TET1: variants seen among roughly 807,000 people sequenced by gnomAD.
TET1 encodes the protein tet methylcytosine dioxygenase 1, also known as methylcytosine dioxygenase TET1.
TET1 carries 13 observed loss-of-function variants against 148.7 expected under a neutral mutation model. The ratio of observed to expected loss-of-function variants is 0.09; its 90% CI spans 0.06 to 0.14. The LOEUF (loss-of-function observed/expected upper bound fraction) is 0.14. Ranked by LOEUF, TET1 falls within the 10% of genes least tolerant of loss-of-function variation. The probability of loss-of-function intolerance (pLI) is 1.00; values close to 1 mark genes in which losing one functional copy is unlikely to be tolerated. For missense variants in TET1, 2,182 were observed against 2,553.8 expected, an observed-to-expected ratio of 0.85 and a Z score of 3.14; for synonymous variants, 907 against 937.2, an observed-to-expected ratio of 0.97 and a Z score of 0.59.
intron 8 of TET1, among the ~76,000 whole-genome samples, chr10:68,678,292 A>T (rs1244217523): frequency 2.0e-5 from 3 of 152,204 alleles, no homozygotes; most frequent in Non-Finnish European, 4.4e-5. Flanking sequence ...AGGTTTGTAG[A>T]GGGCAGATCA....
At position 68,694,482 on chromosome 10, in the gene TET1, A is replaced by G; in HGVS notation, c.*2668A>G. Reference sequence around the variant, plus strand: ...TTTGTTTGAAATGACATTTTCTCTCATAAAACTGGTCATCTAACATTATTT... The same window carrying G: ...TTTGTTTGAAATGACATTTTCTCTCGTAAAACTGGTCATCTAACATTATTT... On this transcript the variant is annotated 3_prime_UTR_variant, in exon 12 of 12. Transcript: ENST00000373644. The G allele has an allele frequency of 4.3e-6, 1 of 231,454 alleles. No individual in the cohort carries two copies. The highest frequency in any genetic ancestry group is 8.5e-6 in the Non-Finnish European group (1 of 117,018). 14.3% of individuals were successfully genotyped at this position (231,454 alleles called of 1,614,324 possible).
chr10:68,618,615 G>A (rs533423709), intron 3 of TET1, among the ~76,000 whole-genome samples: 130 of 152,274 alleles, frequency 8.5e-4, no homozygotes, highest in African/African-American at 3.1e-3. Flanking sequence ...TACCAGATAG[G>A]AAACAAATAG....
intron 3 of TET1, among the ~76,000 whole-genome samples, chr10:68,604,624 A>G (rs1364956152): frequency 6.6e-6 from 1 of 152,092 alleles, no homozygotes; most frequent in Non-Finnish European, 1.5e-5. Flanking sequence ...CCCAATGGGG[A>G]GCCAGAGTGA....
At chr10:68,593,531 G>A (rs1048766774) in intron 2 of TET1, among the ~76,000 whole-genome samples, 1 of 151,706 alleles carries the variant, frequency 6.6e-6, no homozygotes, top group Non-Finnish European at 1.5e-5. Flanking sequence ...TCTGCCTCCG[G>A]GGTTCAAGGG....
In TET1 at chr10:68,573,162, C is replaced by T. The variant is rs760815606; in HGVS notation, c.824C>T (p.Ser275Leu). 1 of 1,614,020 alleles carries T rather than the reference C, an allele frequency of 6.2e-7. No homozygotes were observed. ...NPSIQLEELG[S>L]RVESLKLSDS... ...AGCATTCAGTTAGAAGAGTTGGGTT[C>T]ACGAGTAGAATCTCTTAAGTTATCT... Residue 275 changes from serine (S) to leucine (L), a missense_variant, in exon 2 of 12, where the codon TCA (serine) becomes TTA (leucine). Around this residue, in one of 11 missense-constraint regions of TET1, gnomAD observed 665 missense variants for 672.4 expected, o/e 0.99. Coordinates refer to ENST00000373644, the MANE Select transcript of TET1 (RefSeq NM_030625.3).
At chr10:68,671,973 A>C (rs1000799730) in intron 7 of TET1, among the ~76,000 whole-genome samples, 9 of 151,922 alleles carry the variant, frequency 5.9e-5, no homozygotes, top group South Asian at 4.2e-4. Flanking sequence ...TGAACTCCTG[A>C]CCTCATGATC....
chr10:68,572,681 C>T lies in TET1; in HGVS notation c.343C>T (p.Leu115Phe), dbSNP rs1426634332. The T allele has an allele frequency of 2.5e-6, 4 of 1,614,132 alleles. No homozygotes were observed. The South Asian group carries it at 4.4e-5, about 18-fold the overall frequency. The change falls in exon 2 of 12, where the codon CTC becomes TTC. Residue 115 changes from leucine to phenylalanine, a missense_variant. Physicochemically the swap from Leu to Phe is conservative, Grantham distance 22 (BLOSUM62 0). Transcript: ENST00000373644. ...ACGAAGCACCTCTCTTAGCAGGCGACTCTCCCAACCCCCACTGGTCGTAGC... is the reference window on the plus strand; with the variant it reads ...ACGAAGCACCTCTCTTAGCAGGCGATTCTCCCAACCCCCACTGGTCGTAGC... ...ALRSTSLSRR[L>F]SQPPLVVAKS...
At chr10:68,639,936 T>C (rs1420439820) in intron 3 of TET1, among the ~76,000 whole-genome samples, 1 of 151,882 alleles carries the variant, frequency 6.6e-6, no homozygotes, top group African/African-American at 2.4e-5. Context: ...TAGTAACTTT[T>C]TATTTTTTTA....
rs60460824 is a variant in TET1 at position 68,640,544 on chromosome 10, C to CTTTTTTTTTTTTTTTTTTTTTT, written c.1969-4150_1969-4129dup. Among the ~76,000 whole-genome samples, 59 of 42,884 alleles carry CTTTTTTTTTTTTTTTTTTTTTT rather than the reference C, an allele frequency of 1.4e-3. 7 individuals carry two copies. The highest frequency in any genetic ancestry group is 1.8e-3 in the Non-Finnish European group (48 of 26,032). 28.1% of individuals were successfully genotyped at this position (42,884 alleles called of 152,430 possible). On this transcript the variant is annotated intron_variant, in intron 3 of 11. Transcript: ENST00000373644. ...AAATATTCTTTTTCTTTCTTTCTTT[C>CTTTTTTTTTTTTTTTTTTTTTT]TTTTTTTTTTTTTTTTTTTTTTTTT...
At chr10:68,598,439 TA>T (rs968325743) in intron 2 of TET1, among the ~76,000 whole-genome samples, 40 of 151,934 alleles carry the variant, frequency 2.6e-4, no homozygotes, top group African/African-American at 9.4e-4. Flanking sequence ...CATCACAATT[TA>T]AAAAAAAATC....
chr10:68,642,036 A>T (rs2054763905), intron 3 of TET1, among the ~76,000 whole-genome samples: 1 of 152,230 alleles, frequency 6.6e-6, no homozygotes, highest in African/African-American at 2.4e-5. Flanking sequence ...TACAACATGA[A>T]GTTTTCAAAT....
rs370296152 is a variant in TET1, at chr10:68,645,211, C to T, written c.2482C>T (p.Pro828Ser). 1.2e-4 allele frequency: 194 copies of T among 1,613,974 alleles called. No homozygotes were observed. Among genetic ancestry groups the T allele is most frequent in the Admixed American group, 2.3e-4 (14 of 59,988 alleles). Residue 828 changes from proline (P) to serine (S), a missense_variant, in exon 4 of 12, where the codon CCT becomes TCT. Physicochemically the swap from Pro to Ser is moderately conservative, Grantham distance 74. This residue lies in a region of TET1 where 226 missense variants were observed against 307.4 expected (regional missense o/e 0.74). Coordinates refer to ENST00000373644, the MANE Select transcript of TET1 (RefSeq NM_030625.3). ...AAGTAACGTTTTAGTATTCCAGCAGCCTGGCTTTAACTGCAGTTCCATTCC... is the reference window on the plus strand; with the variant it reads ...AAGTAACGTTTTAGTATTCCAGCAGTCTGGCTTTAACTGCAGTTCCATTCC... The part of the protein sequence containing the change: ...GRSNVLVFQQ[P>S]GFNCSSIPHS...
At chr10:68,668,685 T>G (rs796229507) in intron 7 of TET1, among the ~76,000 whole-genome samples, 2 of 152,326 alleles carry the variant, frequency 1.3e-5, no homozygotes, top group African/African-American at 4.8e-5. Flanking sequence ...GTTCAAGCGA[T>G]TCTCCTGCCT....
At chr10:68,565,351 C>G (rs891599507) in intron 1 of TET1, among the ~76,000 whole-genome samples, 2 of 151,058 alleles carry the variant, frequency 1.3e-5, no homozygotes, top group Non-Finnish European at 3.0e-5. Flanking sequence ...TGTGGTGGCA[C>G]GTGCCTGTAG....
intron 3 of TET1, among the ~76,000 whole-genome samples, chr10:68,622,561 C>CG (rs1194216831): frequency 6.6e-6 from 1 of 151,928 alleles, no homozygotes; most frequent in African/African-American, 2.4e-5. Context: ...CCACCACACC[C>CG]GGCCCCTCAT....
intron 6 of TET1, among the ~76,000 whole-genome samples, chr10:68,662,766 G>T (rs775019792): frequency 6.6e-6 from 1 of 152,116 alleles, no homozygotes; most frequent in African/African-American, 2.4e-5. Context: ...AGCCAAGCAC[G>T]GTGGCAAGCA....
chr10:68,688,085 C>A (rs912600337), intron 11 of TET1, among the ~76,000 whole-genome samples: 1 of 152,130 alleles, frequency 6.6e-6, no homozygotes, highest in African/African-American at 2.4e-5. Context: ...ACACCTGGCT[C>A]TTACCAGCTT....
chr10:68,652,367 A>G (rs1414149660), intron 5 of TET1, 134 bp from the exon 6 acceptor site: 5 of 530,574 alleles, frequency 9.4e-6, no homozygotes, highest in Non-Finnish European at 1.6e-5. Flanking sequence ...TAACAAGAGT[A>G]AATTACGAAG....
In TET1 at chr10:68,643,964, G is replaced by A. The variant is rs1474674637; in HGVS notation, c.1969-734G>A. On this transcript the variant is annotated intron_variant, in intron 3 of 11. Coordinates refer to ENST00000373644, the MANE Select transcript of TET1 (RefSeq NM_030625.3). ...CAGTCACCCAGGCTGGAGTACAGTG[G>A]CATGATCTTGGCCCACTGCAACCTC... 2.6e-5 allele frequency among the ~76,000 whole-genome samples: 4 copies of A among 151,832 alleles called. No individual in the cohort carries two copies. The East Asian group carries it at 7.8e-4, about 30-fold the overall frequency.
Sources: gnomAD v4.1 joint callset for allele counts (sites outside exome capture counted in the v4.1 genomes callset) on GRCh38, gnomAD v4.1.1 for gene constraint, gnomAD v4.1.1 regional missense constraint, MANE v1.5 for transcripts, NCBI Gene and HGNC (gene_info 2026-07-23, HGNC 2026-07-21) for gene names.